TXNRD1: variants seen among roughly 807,000 people sequenced by gnomAD.
TXNRD1 encodes thioredoxin reductase 1, cytoplasmic.
In TXNRD1, 57 loss-of-function variants were observed where a neutral mutation model predicts 80.3. That is an observed-to-expected ratio of 0.71 (90% confidence interval 0.57 to 0.89). The LOEUF is 0.89. Among genes scored for constraint, TXNRD1 ranks in the 40% least tolerant of loss-of-function variants. The pLI is 0.00. For synonymous variants in TXNRD1, 291 were observed against 285.2 expected, an observed-to-expected ratio of 1.02 and a Z score of -0.20; for missense variants, 730 against 803.0, an observed-to-expected ratio of 0.91 and a Z score of 1.10.
At chr12:104,268,040 A>G (rs28663294) in intron 3 of TXNRD1, among the ~76,000 whole-genome samples, 56,528 of 150,226 alleles carry the variant, frequency 0.38, 11,416 homozygotes, top group East Asian at 0.83. Context: ...TAGTAGAGAC[A>G]GGGTTTCATC....
intron 3 of TXNRD1, among the ~76,000 whole-genome samples, chr12:104,282,071 T>C (rs573069744): frequency 2.0e-3 from 311 of 152,346 alleles, no homozygotes; most frequent in African/African-American, 7.2e-3. Context: ...GAATAGCAAT[T>C]TGGGGCATAT....
chr12:104,265,462 A>C, intron 3 of TXNRD1: 1 of 1,606,724 alleles, frequency 6.2e-7, no homozygotes, highest in Non-Finnish European at 8.5e-7. Flanking sequence ...ATCTCAGTTA[A>C]AGAAGATGAA....
At chr12:104,334,128 T>G in intron 14 of TXNRD1, 109 bp from the exon 15 acceptor site, 1 of 444,786 alleles carries the variant, frequency 2.2e-6, no homozygotes. Context: ...ATTTTATTAT[T>G]TAATGAAAGT....
intron 16 of TXNRD1, among the ~76,000 whole-genome samples, chr12:104,339,721 C>T (rs1286580942): frequency 6.6e-6 from 1 of 152,142 alleles, no homozygotes; most frequent in East Asian, 1.9e-4. Flanking sequence ...CAATCTAGGC[C>T]TCTGGGTGTC....
At chr12:104,238,514 G>A (rs758122284) in intron 1 of TXNRD1, among the ~76,000 whole-genome samples, 42 of 152,156 alleles carry the variant, frequency 2.8e-4, no homozygotes, top group Admixed American at 5.9e-4. Flanking sequence ...AAAAAAAGAT[G>A]TTGTGGGTTT....
intron 4 of TXNRD1, among the ~76,000 whole-genome samples, chr12:104,295,849 C>G (rs754895290): frequency 6.6e-6 from 1 of 152,162 alleles, no homozygotes; most frequent in Non-Finnish European, 1.5e-5. Context: ...TTCTTTATGC[C>G]TGTGGTCCCA....
At chr12:104,341,475 C>T (rs757080951) in intron 16 of TXNRD1, among the ~76,000 whole-genome samples, 1 of 152,160 alleles carries the variant, frequency 6.6e-6, no homozygotes, top group Non-Finnish European at 1.5e-5. Context: ...TTCTGCCTGA[C>T]GGGTCCTAGG....
At chr12:104,218,038 T>C (rs572890039) in intron 1 of TXNRD1, among the ~76,000 whole-genome samples, 1 of 152,092 alleles carries the variant, frequency 6.6e-6, no homozygotes, top group South Asian at 2.1e-4. Context: ...ACCACATTTT[T>C]TTTTTCCCGA....
chr12:104,312,361 C>T (rs1190493970), intron 5 of TXNRD1, among the ~76,000 whole-genome samples: 1 of 152,204 alleles, frequency 6.6e-6, no homozygotes, highest in East Asian at 1.9e-4. Context: ...TTGGGCCTGT[C>T]ATCCTTACCC....
chr12:104,221,024 T>C lies in TXNRD1; in HGVS notation c.91+5131T>C, dbSNP rs932557304. ...GGCTCATGCCTGTATTCCTGGCACT[T>C]TGGGAGGCCCAGCTGGGAGGATTGC... On this transcript the variant is annotated intron_variant, in intron 1 of 16. Coordinates refer to ENST00000525566, the MANE Select transcript of TXNRD1 (RefSeq NM_001093771.3). 2.2e-4 allele frequency among the ~76,000 whole-genome samples: 34 copies of C among 152,166 alleles called. 1 individual carries two copies. Among genetic ancestry groups the C allele is most frequent in the Admixed American group, 2.0e-3 (31 of 15,278 alleles).
chr12:104,300,661 C>T (rs2034591476), intron 4 of TXNRD1, among the ~76,000 whole-genome samples: 2 of 152,096 alleles, frequency 1.3e-5, no homozygotes, highest in Admixed American at 6.6e-5. Flanking sequence ...TGTCTAAAGG[C>T]AGATTTGTTT....
chr12:104,253,524 G>A (rs545765934), intron 2 of TXNRD1, among the ~76,000 whole-genome samples: 1 of 152,132 alleles, frequency 6.6e-6, no homozygotes, highest in Admixed American at 6.5e-5. Flanking sequence ...TTAGAAGAGG[G>A]CTGGGCATTA....
In TXNRD1 at chr12:104,319,486, G is replaced by A; in HGVS notation, c.890G>A (p.Gly297Asp). The A allele has an allele frequency of 6.3e-7, 1 of 1,585,648 alleles. No individual in the cohort carries two copies. ...PHRIKATNNK[G>D]KEKIYSAERF... Reference sequence around the variant, plus strand: ...CCTTTGTAGGCAACAAATAATAAAGGCAAAGAAAAAATTTATTCAGCAGAG... The same window carrying A: ...CCTTTGTAGGCAACAAATAATAAAGACAAAGAAAAAATTTATTCAGCAGAG... Residue 297 changes from glycine to aspartate, a missense_variant, in exon 9 of 17, where the codon GGC (glycine) becomes GAC (aspartate). Coordinates refer to ENST00000525566, the MANE Select transcript of TXNRD1 (RefSeq NM_001093771.3).
intron 11 of TXNRD1, among the ~76,000 whole-genome samples, chr12:104,326,089 G>A (rs980887351): frequency 5.9e-5 from 9 of 152,000 alleles, no homozygotes; most frequent in Non-Finnish European, 1.0e-4. Context: ...AACTTGGATA[G>A]GTTTATTAAG....
intron 3 of TXNRD1, among the ~76,000 whole-genome samples, chr12:104,288,443 T>C (rs1398663351): frequency 6.6e-6 from 1 of 152,152 alleles, no homozygotes; most frequent in Non-Finnish European, 1.5e-5. Flanking sequence ...GTAGGCAGAG[T>C]GTTCTTAATT....
intron 3 of TXNRD1, among the ~76,000 whole-genome samples, chr12:104,285,554 G>A (rs893877379): frequency 6.6e-6 from 1 of 152,140 alleles, no homozygotes; most frequent in Admixed American, 6.5e-5. Flanking sequence ...TTAATGGCAA[G>A]CCTCTTCAAA....
rs377153766 is a variant in TXNRD1, at chr12:104,348,454, A to G, written c.*33A>G. ...TGTGGATGCTGTTGCCAAGACTGCAAACCACTGGCTCGTTTCCGTGCCCAA... is the reference window on the plus strand; with the variant it reads ...TGTGGATGCTGTTGCCAAGACTGCAGACCACTGGCTCGTTTCCGTGCCCAA... On this transcript the variant is annotated 3_prime_UTR_variant, in exon 17 of 17. Coordinates refer to ENST00000525566, the MANE Select transcript of TXNRD1 (RefSeq NM_001093771.3). 1.2e-5 allele frequency: 20 copies of G among 1,609,482 alleles called. No homozygotes were observed. Among genetic ancestry groups the G allele is most frequent in the Non-Finnish European group, 1.7e-5 (20 of 1,176,328 alleles).
chr12:104,285,910 T>C (rs900738535), intron 3 of TXNRD1: 3 of 152,162 alleles, frequency 2.0e-5, no homozygotes, highest in African/African-American at 4.8e-5. Flanking sequence ...GAAACACTCA[T>C]GTCAATAATC....
chr12:104,321,223 T>A lies in TXNRD1; in HGVS notation c.1122T>A (p.Leu374=), dbSNP rs766248532. The A allele has an allele frequency of 1.9e-5, 31 of 1,613,870 alleles. No homozygotes were observed. In the South Asian group the frequency reaches 3.4e-4, roughly 18 times the overall value. ...LDVTVMVRSI[L]LRGFDQDMAN... is the part of the protein sequence containing the mutation. ...TCACTGTTATGGTTAGGTCCATTCT[T>A]CTTAGAGGATTTGACCAGGACATGG... Residue 374 remains leucine, a synonymous_variant, in exon 10 of 17, where the codon CTT becomes CTA. Transcript: ENST00000525566.
Sources: allele counts gnomAD v4.1 joint callset (sites outside exome capture counted in the v4.1 genomes callset), GRCh38; gene constraint gnomAD v4.1.1; transcripts MANE v1.5; gene names NCBI Gene and HGNC (gene_info 2026-07-23, HGNC 2026-07-21).